Variants in ZNF469 observed in about 807,000 individuals in gnomAD.
ZNF469 encodes zinc finger protein 469.
Under a neutral mutation model 1.0 loss-of-function variants are expected in ZNF469, and 1 was observed. The observed-to-expected ratio is 1.00, with a 90% CI of 0.35 to 4.73. The LOEUF (loss-of-function observed/expected upper bound fraction) is 4.73, where lower values mean the gene tolerates loss of function less well. Ranked by LOEUF, ZNF469 falls within the 30% of genes most tolerant of loss-of-function variation. ZNF469 has a pLI of 0.16. For synonymous variants in ZNF469, 2,703 were observed against 2,363.4 expected (o/e 1.14, Z -4.17); for missense variants, 6,100 against 5,356.3 (o/e 1.14, Z -4.33).
chr16:88,277,179 C>T, the ZNF469 span, among the ~76,000 whole-genome samples: 55 of 150,918 alleles, frequency 3.6e-4, no homozygotes, highest in African/African-American at 1.2e-3. Flanking sequence ...ACCACACCGA[C>T]GCTCAGTCAG....
the ZNF469 span, among the ~76,000 whole-genome samples, chr16:88,309,316 G>A: frequency 3.9e-5 from 6 of 152,358 alleles, 1 homozygote; most frequent in Middle Eastern, 3.4e-3. Context: ...GGACACCTCC[G>A]AGCTGGGCCA....
the ZNF469 span, among the ~76,000 whole-genome samples, chr16:88,129,655 A>T: frequency 5.9e-5 from 9 of 152,244 alleles, 1 homozygote; most frequent in Admixed American, 5.9e-4. Context: ...AGATTTTGAG[A>T]CCAGCCTAGG....
At chr16:88,135,781 G>A in the ZNF469 span, among the ~76,000 whole-genome samples, 8 of 43,582 alleles carry the variant, frequency 1.8e-4, 1 homozygote, top group African/African-American at 3.4e-4. Flanking sequence ...TTTTTTTTGG[G>A]ATGGAGTCTC....
the ZNF469 span, among the ~76,000 whole-genome samples, chr16:88,211,545 C>A: frequency 6.6e-6 from 1 of 151,860 alleles, no homozygotes; most frequent in African/African-American, 2.4e-5. Context: ...GGTCCTGTAA[C>A]AAAGACTGGG....
the ZNF469 span, among the ~76,000 whole-genome samples, chr16:88,187,976 C>G: frequency 3.0e-4 from 46 of 152,122 alleles, 1 homozygote; most frequent in Admixed American, 2.5e-3. Flanking sequence ...GGGATGCATC[C>G]CGGGCCCTGT....
At chr16:88,248,428 A>G in the ZNF469 span, among the ~76,000 whole-genome samples, 63 of 152,210 alleles carry the variant, frequency 4.1e-4, no homozygotes, top group Admixed American at 3.9e-3. Flanking sequence ...ATTCCCCCCA[A>G]CTGCCAGGCA....
At chr16:88,357,262 C>T in the ZNF469 span, among the ~76,000 whole-genome samples, 1 of 152,236 alleles carries the variant, frequency 6.6e-6, no homozygotes, top group East Asian at 1.9e-4. Context: ...AGTTTCTCAA[C>T]CTGTACAATG....
the ZNF469 span, among the ~76,000 whole-genome samples, chr16:88,146,431 C>T: frequency 1.6e-4 from 24 of 152,158 alleles, no homozygotes; most frequent in Non-Finnish European, 2.9e-5. Flanking sequence ...TGGCTGGAAC[C>T]TTCTTCCCTG....
the ZNF469 span, among the ~76,000 whole-genome samples, chr16:88,239,776 G>C: frequency 1.5e-3 from 193 of 130,874 alleles, 1 homozygote; most frequent in Admixed American, 0.016. Flanking sequence ...TAGCCAGGAT[G>C]GTCTCCATCT....
At chr16:88,354,631 G>GC in the ZNF469 span, among the ~76,000 whole-genome samples, 139,469 of 152,174 alleles carry the variant, frequency 0.92, 64,111 homozygotes, top group Non-Finnish European at 0.96. Flanking sequence ...ACCGCGCCCG[G>GC]CCCCCAGCTC....
chr16:88,437,400 C>T lies in ZNF469; in HGVS notation c.9930C>T (p.Ser3310=). 1 of 1,530,540 alleles carries T rather than the reference C, an allele frequency of 6.5e-7. No homozygotes were observed. Among genetic ancestry groups the T allele is most frequent in the South Asian group, 1.2e-5 (1 of 82,218 alleles). 94.8% of individuals were successfully genotyped at this position (1,530,540 alleles called of 1,614,324 possible). ...GSPGPPRTTP[S]PSPDPWAGGE... is the part of the protein sequence containing the mutation. ...CGGGCCCCCCCAGGACGACCCCCAG[C>T]CCGTCCCCCGACCCCTGGGCCGGCG... is the stretch of plus-strand genomic sequence containing the variant. The change falls in exon 3 of 3, where the codon AGC becomes AGT. Residue 3310 remains serine (S), a synonymous_variant. Coordinates refer to ENST00000565624, the MANE Select transcript of ZNF469 (RefSeq NM_001367624.2).
chr16:88,347,810 C>T, the ZNF469 span, among the ~76,000 whole-genome samples: 5 of 152,258 alleles, frequency 3.3e-5, no homozygotes. Context: ...ACCCACCCGC[C>T]TCCTGGGACC....
the ZNF469 span, among the ~76,000 whole-genome samples, chr16:88,219,215 T>A: frequency 6.7e-6 from 1 of 149,938 alleles, no homozygotes; most frequent in East Asian, 1.9e-4. Flanking sequence ...ACAGATTCAA[T>A]GCCATCCCCA....
intron 1 of ZNF469, among the ~76,000 whole-genome samples, chr16:88,417,807 G>A (rs910943192): frequency 6.6e-6 from 1 of 152,228 alleles, no homozygotes; most frequent in Non-Finnish European, 1.5e-5. Context: ...TAGAAATGAG[G>A]CCCCAAAGCC....
the ZNF469 span, among the ~76,000 whole-genome samples, chr16:88,287,045 TAG>T: frequency 6.6e-6 from 1 of 152,232 alleles, no homozygotes; most frequent in African/African-American, 2.4e-5. Flanking sequence ...ACCCTATAAC[TAG>T]TGTCCCCAAA....
At chr16:88,237,930 C>G in the ZNF469 span, among the ~76,000 whole-genome samples, 9 of 152,348 alleles carry the variant, frequency 5.9e-5, no homozygotes, top group South Asian at 2.1e-4. Context: ...CAGTATCCAG[C>G]CTTCTCCAAT....
At chr16:88,205,106 G>C in the ZNF469 span, among the ~76,000 whole-genome samples, 1 of 152,166 alleles carries the variant, frequency 6.6e-6, no homozygotes. The surrounding 1 kb of genome is among the most constrained non-coding windows in gnomAD (Gnocchi z 4.2). Context: ...TGCATTCCCT[G>C]TACCCCAATA....
intron 1 of ZNF469, among the ~76,000 whole-genome samples, chr16:88,421,160 G>A (rs4782299): frequency 0.83 from 126,292 of 151,864 alleles, 54,330 homozygotes; most frequent in South Asian, 0.96. Flanking sequence ...GGGCAGAAGC[G>A]TGGGGGCAGG....
the ZNF469 span, among the ~76,000 whole-genome samples, chr16:88,359,200 G>A: frequency 1.5e-3 from 224 of 151,666 alleles, no homozygotes; most frequent in South Asian, 2.9e-3. Context: ...AGAGTCCCGG[G>A]GGCTCGGTAC....
Sources: allele counts gnomAD v4.1 joint callset (sites outside exome capture counted in the v4.1 genomes callset), GRCh38; gene constraint gnomAD v4.1.1; non-coding constraint Gnocchi (gnomAD v3.1); transcripts MANE v1.5; gene names NCBI Gene and HGNC (gene_info 2026-07-23, HGNC 2026-07-21).